The following CCDC7 variants were observed in gnomAD, a reference collection of about 807,000 sequenced individuals.
The protein encoded by CCDC7 is coiled-coil domain containing 7, also known as coiled-coil domain-containing protein 7.
In CCDC7, 183 loss-of-function variants were observed where a neutral mutation model predicts 196.9. The observed-to-expected ratio is 0.93, with a 90% confidence interval of 0.82 to 1.05. The LOEUF is 1.05. Ranked by LOEUF, CCDC7 falls within the 50% of genes least tolerant of loss-of-function variation. CCDC7 has a pLI of 0.00. For synonymous variants in CCDC7, 525 were observed against 484.6 expected (o/e 1.08, Z -1.10); for missense variants, 1,540 against 1,482.2 (o/e 1.04, Z -0.64).
intron 24 of CCDC7, among the ~76,000 whole-genome samples, chr10:32,708,885 A>G (rs2080293200): frequency 6.6e-6 from 1 of 152,244 alleles, no homozygotes; most frequent in Non-Finnish European, 1.5e-5. Flanking sequence ...ACTGTAAACT[A>G]GTTCAACCAT....
Position 32,847,171 on chromosome 10 carries a change from AG to A in CCDC7, c.3689-661del, listed in dbSNP as rs1432248874. Among the ~76,000 whole-genome samples, 3 of 152,314 alleles carry A rather than the reference AG, an allele frequency of 2.0e-5. No individual in the cohort carries two copies. In the East Asian group the frequency reaches 5.8e-4, roughly 29 times the overall value. On this transcript the variant is annotated intron_variant, in intron 37 of 41. Transcript: ENST00000639629. ...AGTAGCACTTCACACTACAGGCAAGAGACTTTAGTACAATAGCCCAGTCACA... is the reference window on the plus strand; with the variant it reads ...AGTAGCACTTCACACTACAGGCAAGAACTTTAGTACAATAGCCCAGTCACA...
chr10:32,867,610 G>A (rs1239256990), intron 41 of CCDC7, among the ~76,000 whole-genome samples: 8 of 150,674 alleles, frequency 5.3e-5, no homozygotes, highest in Admixed American at 4.0e-4. Context: ...GCAACTAACG[G>A]GAAAATGGGC....
intron 29 of CCDC7, among the ~76,000 whole-genome samples, chr10:32,799,043 G>A (rs1164185126): frequency 2.0e-5 from 3 of 152,290 alleles, no homozygotes; most frequent in East Asian, 3.9e-4. Flanking sequence ...GCCCGATCAT[G>A]TATATACCAC....
intron 32 of CCDC7, among the ~76,000 whole-genome samples, chr10:32,824,986 A>G (rs763321477): frequency 5.3e-5 from 8 of 152,230 alleles, no homozygotes; most frequent in Non-Finnish European, 8.8e-5. Context: ...TCGGTTACCC[A>G]TTCCCTCTCA....
chr10:32,736,927 T>C (rs2084959957), intron 28 of CCDC7, among the ~76,000 whole-genome samples: 1 of 152,162 alleles, frequency 6.6e-6, no homozygotes, highest in African/African-American at 2.4e-5. Flanking sequence ...ATGATGTCCT[T>C]GATTTATTCC....
At chr10:32,622,678 C>A (rs1301196117) in intron 18 of CCDC7, among the ~76,000 whole-genome samples, 3 of 151,926 alleles carry the variant, frequency 2.0e-5, no homozygotes, top group Non-Finnish European at 4.4e-5. Flanking sequence ...CATGCCTGTT[C>A]TCCATCCACT....
At chr10:32,544,326 A>C (rs377550114) in intron 13 of CCDC7, 25 bp downstream of exon 14, 18 of 1,593,526 alleles carry the variant, frequency 1.1e-5, no homozygotes, top group Non-Finnish European at 1.5e-5. Flanking sequence ...CTCTCTATGC[A>C]TCAATATTTG....
At chr10:32,767,732 A>G (rs1319380486) in intron 28 of CCDC7, among the ~76,000 whole-genome samples, 1 of 152,128 alleles carries the variant, frequency 6.6e-6, no homozygotes, top group Non-Finnish European at 1.5e-5. Flanking sequence ...AGGCATCAAG[A>G]ATATATAGGA....
At chr10:32,514,648 T>G (rs1464487667) in intron 9 of CCDC7, 1 of 152,176 alleles carries the variant, frequency 6.6e-6, no homozygotes, top group Admixed American at 6.5e-5. Context: ...TATGAACATT[T>G]CAAAAGTGAA....
intron 5 of CCDC7, among the ~76,000 whole-genome samples, chr10:32,465,189 A>T (rs1475162713): frequency 6.6e-6 from 1 of 151,622 alleles, no homozygotes; most frequent in African/African-American, 2.4e-5. Flanking sequence ...TCCTTGTAAG[A>T]GACAACTAAG....
intron 11 of CCDC7, among the ~76,000 whole-genome samples, chr10:32,526,709 G>A (rs1454653604): frequency 6.6e-6 from 1 of 152,060 alleles, no homozygotes; most frequent in African/African-American, 2.4e-5. Flanking sequence ...GTCCAGGAGT[G>A]AGGGCCTGGA....
intron 21 of CCDC7, among the ~76,000 whole-genome samples, chr10:32,671,044 G>T (rs921705428): frequency 1.3e-5 from 2 of 152,086 alleles, no homozygotes; most frequent in African/African-American, 4.8e-5. Flanking sequence ...TAAATAAAAA[G>T]TTACAGTAAA....
intron 24 of CCDC7, among the ~76,000 whole-genome samples, chr10:32,703,610 T>G (rs1591794739): frequency 1.3e-5 from 2 of 152,096 alleles, no homozygotes; most frequent in East Asian, 3.8e-4. Flanking sequence ...TGCAGACTGT[T>G]TTCCAACTTG....
chr10:32,623,604 C>A, intron 18 of CCDC7: 1 of 415,192 alleles, frequency 2.4e-6, no homozygotes, highest in Admixed American at 2.7e-5. Flanking sequence ...TCAATAAATA[C>A]TATTAAGAAC....
intron 18 of CCDC7, 108 bp downstream of exon 19, chr10:32,584,412 C>A: frequency 1.5e-6 from 1 of 670,532 alleles, no homozygotes; most frequent in Non-Finnish European, 2.4e-6. Flanking sequence ...ATACAAACAA[C>A]TTGTTAGGGA....
intron 9 of CCDC7, among the ~76,000 whole-genome samples, 184 bp from the exon 11 acceptor site, chr10:32,517,755 AAAACTT>A (rs2047255540): frequency 6.6e-6 from 1 of 151,844 alleles, no homozygotes; most frequent in African/African-American, 2.4e-5. Flanking sequence ...CATGTACCCT[AAAACTT>A]AAAGTATAAT....
chr10:32,587,290 T>C (rs558025728), intron 18 of CCDC7, among the ~76,000 whole-genome samples: 17 of 152,298 alleles, frequency 1.1e-4, no homozygotes, highest in African/African-American at 4.1e-4. Flanking sequence ...ATTTATTTTT[T>C]ACAGTTCTGA....
intron 9 of CCDC7, chr10:32,513,988 A>G (rs2046637397): frequency 6.6e-6 from 1 of 152,212 alleles, no homozygotes; most frequent in Non-Finnish European, 1.5e-5. Context: ...AGCAAGGGCA[A>G]TTATGGAAGA....
intron 1 of CCDC7, among the ~76,000 whole-genome samples, chr10:32,452,560 C>T (rs1588676705): frequency 6.6e-6 from 1 of 152,352 alleles, no homozygotes; most frequent in Admixed American, 6.5e-5. Flanking sequence ...AGGTTTCAAG[C>T]AATTTTCCTG....
Sources: gnomAD v4.1 joint callset for allele counts (sites outside exome capture counted in the v4.1 genomes callset) on GRCh38, gnomAD v4.1.1 for gene constraint, MANE v1.5 for transcripts, NCBI Gene and HGNC (gene_info 2026-07-23, HGNC 2026-07-21) for gene names.